Variants in SIMC1 observed in about 807,000 individuals in gnomAD.
SIMC1 encodes the protein SUMO interacting motifs containing 1, also known as SUMO-interacting motif-containing protein 1.
SIMC1 carries 55 observed loss-of-function variants against 82.3 expected under a neutral mutation model. That is an observed-to-expected ratio of 0.67 (90% CI 0.54 to 0.84). The LOEUF is 0.84. Among genes scored for constraint, SIMC1 ranks in the 40% least tolerant of loss-of-function variants. The pLI is 0.00. For synonymous variants in SIMC1, 353 were observed against 426.3 expected (o/e 0.83, Z 2.12); for missense variants, 915 against 1,107.2 (o/e 0.83, Z 2.46).
intron 4 of SIMC1, among the ~76,000 whole-genome samples, chr5:176,300,417 C>T (rs537006321): frequency 1.4e-3 from 213 of 152,280 alleles, no homozygotes; most frequent in African/African-American, 4.7e-3. Flanking sequence ...CTTCTGGGCT[C>T]AAGCTGTCCT....
At chr5:176,297,847 G>T (rs1414539248) in intron 4 of SIMC1, among the ~76,000 whole-genome samples, 1 of 152,132 alleles carries the variant, frequency 6.6e-6, no homozygotes, top group East Asian at 1.9e-4. Flanking sequence ...ATCAAAAAAA[G>T]GGGGGAGGCA....
In SIMC1 at chr5:176,271,135, G is replaced by A. The variant is rs189235537; in HGVS notation, c.130-18519G>A. Among the ~76,000 whole-genome samples the A allele has an allele frequency of 3.1e-3, 478 of 152,270 alleles. 6 individuals are homozygous for A. The highest frequency in any genetic ancestry group is 2.4e-3 in the Admixed American group (36 of 15,294). On this transcript the variant is annotated intron_variant, in intron 1 of 9. Transcript: ENST00000429602. The stretch of plus-strand genomic sequence containing the variant: ...AGCACTTTGGGAGGCCAAGGTGGGC[G>A]GATCACCTGAGGTCAGGAGTTCGAG...
rs560250651 is a variant in SIMC1 at position 176,327,404 on chromosome 5, T to C, written c.2171+2647T>C. 2.0e-5 allele frequency among the ~76,000 whole-genome samples: 3 copies of C among 152,348 alleles called. No individual in the cohort carries two copies. In the South Asian group the frequency reaches 6.2e-4, roughly 32 times the overall value. The stretch of plus-strand genomic sequence containing the variant: ...AGTCTTGACAAATGCATATACCTTC[T>C]TGACCTATCATTTTCCAATTGCTCA... On this transcript the variant is annotated intron_variant, in intron 7 of 9. Coordinates refer to ENST00000429602, the MANE Select transcript of SIMC1 (RefSeq NM_001308195.2).
intron 7 of SIMC1, among the ~76,000 whole-genome samples, chr5:176,328,055 A>C (rs1165091545): frequency 6.6e-6 from 1 of 152,034 alleles, no homozygotes; most frequent in African/African-American, 2.4e-5. Flanking sequence ...TTTTCCTGTA[A>C]TGTTTAATGT....
rs1763764855 is a variant in SIMC1 at position 176,295,270 on chromosome 5, C to CCGTA, written c.1664+9_1664+12dup. On this transcript the variant is annotated intron_variant, in intron 3 of 9. Transcript: ENST00000429602. ...TCTCATGAAAATTCAACAGTATGAA[C>CCGTA]CGTAACCTCTGGCTGTTGGCGAATC... is the stretch of plus-strand genomic sequence containing the variant. 1 of 1,607,818 alleles carries CCGTA rather than the reference C, an allele frequency of 6.2e-7. No individual in the cohort carries two copies. The highest frequency in any genetic ancestry group is 1.1e-5 in the South Asian group (1 of 90,262).
At chr5:176,308,176 G>T in intron 4 of SIMC1, 1 of 1,245,792 alleles carries the variant, frequency 8.0e-7, no homozygotes, top group East Asian at 2.4e-5. Flanking sequence ...TGGGGCTGTG[G>T]ATAGGGGAGT....
At chr5:176,318,682 C>T (rs925021657) in intron 5 of SIMC1, among the ~76,000 whole-genome samples, 2 of 152,158 alleles carry the variant, frequency 1.3e-5, no homozygotes, top group African/African-American at 2.4e-5. Context: ...TGTTTGTCTG[C>T]GAATGTCTTT....
intron 4 of SIMC1, among the ~76,000 whole-genome samples, chr5:176,312,031 G>A (rs1162454770): frequency 6.6e-6 from 1 of 152,144 alleles, no homozygotes; most frequent in African/African-American, 2.4e-5. Flanking sequence ...GAAGAGGTGG[G>A]GGATTGGCCT....
intron 1 of SIMC1, among the ~76,000 whole-genome samples, chr5:176,253,862 G>A (rs2650297): frequency 6.6e-6 from 1 of 152,166 alleles, no homozygotes; most frequent in Non-Finnish European, 1.5e-5. Flanking sequence ...TTGTGTAATA[G>A]TTTTCAGCCA....
intron 1 of SIMC1, among the ~76,000 whole-genome samples, chr5:176,264,347 C>T (rs1418426275): frequency 6.6e-6 from 1 of 152,292 alleles, no homozygotes; most frequent in East Asian, 1.9e-4. Context: ...GGCTCTGCCC[C>T]TGTGGCAGGC....
intron 9 of SIMC1, among the ~76,000 whole-genome samples, chr5:176,338,286 T>C (rs1362058016): frequency 6.6e-6 from 1 of 152,090 alleles, no homozygotes; most frequent in Non-Finnish European, 1.5e-5. Flanking sequence ...AGCACATAAA[T>C]ACTACATACA....
chr5:176,261,471 G>A (rs987852673), intron 1 of SIMC1, among the ~76,000 whole-genome samples: 2 of 152,058 alleles, frequency 1.3e-5, no homozygotes, highest in East Asian at 1.9e-4. Context: ...GGCTGGGCAC[G>A]GTGGCTCACA....
rs1764307567 is a variant in SIMC1, at chr5:176,305,616, C to T, written c.1735-8075C>T. ...CCCTCCGCCCGGCCAACCCCCCCGT[C>T]TGGGAGGTGAGGGGCGCCTCTGCCC... On this transcript the variant is annotated intron_variant, in intron 4 of 9. Transcript: ENST00000429602. Among the ~76,000 whole-genome samples, 5 of 142,056 alleles carry T rather than the reference C, an allele frequency of 3.5e-5. No individual in the cohort carries two copies. The South Asian group carries it at 8.8e-4, about 25-fold the overall frequency. 93.2% of individuals were successfully genotyped at this position (142,056 alleles called of 152,430 possible).
intron 8 of SIMC1, 35 bp from the exon 9 acceptor site, chr5:176,337,027 G>A (rs749160583): frequency 1.2e-6 from 2 of 1,608,194 alleles, no homozygotes; most frequent in African/African-American, 1.3e-5. Context: ...ACTGGGGAAG[G>A]CATTTATTAT....
intron 1 of SIMC1, chr5:176,263,545 T>C (rs781363764): frequency 3.2e-5 from 46 of 1,415,458 alleles, no homozygotes; most frequent in Non-Finnish European, 3.9e-5. Context: ...AAAAAGAACA[T>C]TCATATTTTG....
chr5:176,253,140 CAGAGAG>C (rs1561672313), intron 1 of SIMC1, among the ~76,000 whole-genome samples: 2 of 152,126 alleles, frequency 1.3e-5, no homozygotes, highest in South Asian at 2.1e-4. Flanking sequence ...AAAGGGGAGA[CAGAGAG>C]GGAGAGGGAG....
chr5:176,314,364 A>T (rs570528046), intron 5 of SIMC1, among the ~76,000 whole-genome samples: 1 of 152,356 alleles, frequency 6.6e-6, no homozygotes, highest in Non-Finnish European at 1.5e-5. Context: ...GGCACCACAT[A>T]GCTTGAATGA....
At chr5:176,319,154 T>C (rs183189806) in intron 5 of SIMC1, among the ~76,000 whole-genome samples, 105 of 152,208 alleles carry the variant, frequency 6.9e-4, no homozygotes, top group African/African-American at 2.4e-3. Flanking sequence ...ACTGATTCTT[T>C]GTATGTGCCC....
rs149035605 is a variant in SIMC1, at chr5:176,336,858, G to A, written c.2310G>A (p.Thr770=). 1.2e-5 allele frequency: 20 copies of A among 1,613,930 alleles called. 1 individual carries two copies. The highest frequency in any genetic ancestry group is 3.3e-5 in the South Asian group (3 of 91,074). The change falls in exon 8 of 10, where the codon ACG becomes ACA. Residue 770 remains threonine, a synonymous_variant. Transcript: ENST00000429602. ...CCCTCTACTTTCTGAATAATTCTAC[G>A]TCACTGCTCAAGTGTCAGGTACATT... ...AQALYFLNNS[T]SLLKCQSDKS...
Sources: allele counts gnomAD v4.1 joint callset (sites outside exome capture counted in the v4.1 genomes callset), GRCh38; gene constraint gnomAD v4.1.1; transcripts MANE v1.5; gene names NCBI Gene and HGNC (gene_info 2026-07-23, HGNC 2026-07-21).